Variants in ADGRG7 observed in about 807,000 individuals in gnomAD.
The protein encoded by ADGRG7 is adhesion G protein-coupled receptor G7.
A neutral mutation model predicts 88.6 loss-of-function variants in ADGRG7; 82 were observed. The ratio of observed to expected loss-of-function variants is 0.93; its 90% CI spans 0.77 to 1.11. The LOEUF is 1.11. Ranked by LOEUF, ADGRG7 falls within the 50% of genes most tolerant of loss-of-function variation. The pLI is 0.00. For synonymous variants in ADGRG7, 381 were observed against 345.2 expected, an observed-to-expected ratio of 1.10 and a Z score of -1.15; for missense variants, 945 against 953.4, an observed-to-expected ratio of 0.99 and a Z score of 0.12.
intron 1 of ADGRG7, among the ~76,000 whole-genome samples, chr3:100,612,165 G>C (rs1707163675): frequency 6.6e-6 from 1 of 151,792 alleles, no homozygotes; most frequent in South Asian, 2.1e-4. Context: ...TATAAATTAA[G>C]TCTCTTTCAC....
chr3:100,687,089 C>T (rs1395692952), intron 15 of ADGRG7, among the ~76,000 whole-genome samples: 1 of 152,132 alleles, frequency 6.6e-6, no homozygotes, highest in Admixed American at 6.5e-5. Context: ...TTGAAGAGGT[C>T]CTTCACATCC....
At chr3:100,631,165 A>G (rs1707455506) in intron 3 of ADGRG7, among the ~76,000 whole-genome samples, 2 of 152,058 alleles carry the variant, frequency 1.3e-5, no homozygotes, top group South Asian at 4.1e-4. Flanking sequence ...GACTTGTATC[A>G]TATCTATTTT....
chr3:100,650,292 A>T (rs1459430195), intron 11 of ADGRG7, among the ~76,000 whole-genome samples: 1 of 152,188 alleles, frequency 6.6e-6, no homozygotes, highest in Non-Finnish European at 1.5e-5. Flanking sequence ...ACCTATAAAC[A>T]AATACTTCTC....
chr3:100,694,637 G>A, intron 15 of ADGRG7, 107 bp from the exon 16 acceptor site: 1 of 1,051,442 alleles, frequency 9.5e-7, no homozygotes, highest in South Asian at 1.6e-5. Context: ...TCAAGTTGGG[G>A]AAGTGCCGTG....
chr3:100,681,460 G>T (rs1302688832), intron 15 of ADGRG7, among the ~76,000 whole-genome samples: 1 of 151,910 alleles, frequency 6.6e-6, no homozygotes, highest in East Asian at 1.9e-4. Flanking sequence ...ACAGGCATGT[G>T]CCACCATGTC....
At chr3:100,621,059 C>T (rs938958247) in intron 1 of ADGRG7, among the ~76,000 whole-genome samples, 8 of 152,202 alleles carry the variant, frequency 5.3e-5, no homozygotes, top group African/African-American at 1.9e-4. Context: ...CCGTGAACCA[C>T]GTCCATGTAA....
At position 100,659,739 on chromosome 3, in the gene ADGRG7, G is replaced by T; in HGVS notation, c.1875G>T (p.Leu625Phe). Reference protein sequence around the residue: ...EPNGVIKSPLLWSFIVPVTII... With the variant: ...EPNGVIKSPLFWSFIVPVTII... ...ATGGTGTTATAAAAAGTCCGCTGTT[G>T]TGGTCATTCATCGTACCTGTAACCA... Residue 625 changes from leucine (L) to phenylalanine (F), a missense_variant, in exon 14 of 16, where the codon TTG becomes TTT. By Grantham distance (22) the Leu-to-Phe change is conservative. Coordinates refer to ENST00000273352, the MANE Select transcript of ADGRG7 (RefSeq NM_032787.3). 1 of 1,614,024 alleles carries T rather than the reference G, an allele frequency of 6.2e-7. No individual in the cohort carries two copies. The highest frequency in any genetic ancestry group is 8.5e-7 in the Non-Finnish European group (1 of 1,179,998).
intron 15 of ADGRG7, among the ~76,000 whole-genome samples, chr3:100,670,815 G>T (rs1048454503): frequency 3.9e-5 from 6 of 152,042 alleles, no homozygotes; most frequent in Non-Finnish European, 7.4e-5. Flanking sequence ...TGTGGTGTTT[G>T]GTTTTCTGTC....
At chr3:100,666,709 C>T (rs1033779836) in intron 14 of ADGRG7, among the ~76,000 whole-genome samples, 1 of 152,090 alleles carries the variant, frequency 6.6e-6, no homozygotes, top group African/African-American at 2.4e-5. Flanking sequence ...GGCTGGGGGA[C>T]GGTCAGGTCT....
At chr3:100,674,000 C>T (rs1375079082) in intron 15 of ADGRG7, among the ~76,000 whole-genome samples, 2 of 152,128 alleles carry the variant, frequency 1.3e-5, no homozygotes, top group African/African-American at 4.8e-5. Context: ...TTAGATCTTT[C>T]CTGCTTTCTC....
intron 1 of ADGRG7, among the ~76,000 whole-genome samples, chr3:100,626,720 G>A (rs1324614223): frequency 4.6e-5 from 7 of 152,164 alleles, no homozygotes; most frequent in Non-Finnish European, 1.0e-4. Flanking sequence ...AGGAGTCAGA[G>A]GTTGCAGTGA....
chr3:100,629,760 T>A (rs755045838), intron 2 of ADGRG7, 49 bp downstream of exon 2: 31 of 1,240,204 alleles, frequency 2.5e-5, no homozygotes, highest in Non-Finnish European at 3.6e-5. Flanking sequence ...GTCACTCTTG[T>A]GTTAATAAGA....
chr3:100,669,078 C>A lies in ADGRG7; in HGVS notation c.2109C>A (p.Tyr703Ter), dbSNP rs756792319. The A allele has an allele frequency of 1.9e-6, 3 of 1,593,368 alleles. No individual in the cohort carries two copies. The Admixed American group carries it at 5.3e-5, about 28-fold the overall frequency. Reference sequence around the variant, plus strand: ...ATAGCATCAGGATCGTCTTCAGCTACATATTCTGCCTTTTCAACACTACAC... The same window carrying A: ...ATAGCATCAGGATCGTCTTCAGCTAAATATTCTGCCTTTTCAACACTACAC... ...NDDSIRIVFS[Y>*]IFCLFNTTQG... The change falls in exon 15 of 16, where the codon TAC becomes TAA. Residue 703 changes from tyrosine to a stop codon, truncating the protein, a stop_gained. Coordinates refer to ENST00000273352, the MANE Select transcript of ADGRG7 (RefSeq NM_032787.3). LOFTEE classifies it high-confidence loss of function.
intron 15 of ADGRG7, among the ~76,000 whole-genome samples, chr3:100,672,575 A>T (rs1415254291): frequency 6.6e-6 from 1 of 152,206 alleles, no homozygotes; most frequent in Admixed American, 6.5e-5. Context: ...TGCCCTGGTC[A>T]GAACTTTCAA....
intron 5 of ADGRG7, 108 bp from the exon 6 acceptor site, chr3:100,637,194 A>G: frequency 1.3e-6 from 1 of 742,716 alleles, no homozygotes. Flanking sequence ...CCTCTACATT[A>G]TCATATCAGT....
chr3:100,686,795 G>C (rs528422658), intron 15 of ADGRG7, among the ~76,000 whole-genome samples: 2 of 152,328 alleles, frequency 1.3e-5, no homozygotes, highest in South Asian at 4.1e-4. Context: ...AGTATAGTTT[G>C]AAGTCAGGTA....
intron 13 of ADGRG7, among the ~76,000 whole-genome samples, chr3:100,657,589 T>C (rs1157996393): frequency 6.6e-6 from 1 of 152,204 alleles, no homozygotes; most frequent in Non-Finnish European, 1.5e-5. Context: ...GGGAAATTTT[T>C]CAAGTATTGT....
chr3:100,641,110 C>T (rs893000487), intron 6 of ADGRG7, among the ~76,000 whole-genome samples: 1 of 152,098 alleles, frequency 6.6e-6, no homozygotes, highest in Non-Finnish European at 1.5e-5. Context: ...GCCTTGTCAA[C>T]CCAAAATAAT....
At position 100,637,304 on chromosome 3, in the gene ADGRG7, A is replaced by C. The variant is rs1035537710; in HGVS notation, c.600A>C (p.Ala200=). 4.3e-6 allele frequency: 7 copies of C among 1,610,666 alleles called. No homozygotes were observed. The highest frequency in any genetic ancestry group is 5.9e-6 in the Non-Finnish European group (7 of 1,177,076). The stretch of plus-strand genomic sequence containing the variant: ...GATCAGTATCTTCTCTTTGGCAGGC[A>C]AAGAAAGTTGCCATAGTAACAGTGA... The part of the protein sequence containing the change: ...FNTSRNASPE[A]KKVAIVTVSQ... The change falls in exon 6 of 16, where the codon GCA becomes GCC. Residue 200 remains alanine (A), a splice_region_variant and synonymous_variant. Coordinates refer to ENST00000273352, the MANE Select transcript of ADGRG7 (RefSeq NM_032787.3).
Sources: gnomAD v4.1 joint callset for allele counts (sites outside exome capture counted in the v4.1 genomes callset) on GRCh38, gnomAD v4.1.1 for gene constraint, MANE v1.5 for transcripts, NCBI Gene and HGNC (gene_info 2026-07-23, HGNC 2026-07-21) for gene names.